Variants in KCND2 observed in about 807,000 individuals in gnomAD.
KCND2 encodes potassium voltage-gated channel subfamily D member 2.
Under a neutral mutation model 54.4 loss-of-function variants are expected in KCND2, and 16 were observed. The observed-to-expected ratio is 0.29, with a 90% CI of 0.20 to 0.45. KCND2 has a LOEUF of 0.45. Among genes scored for constraint, KCND2 ranks in the 20% least tolerant of loss-of-function variants. KCND2 has a pLI of 1.00. For missense variants in KCND2, 486 were observed against 824.2 expected (o/e 0.59, Z 5.02); for synonymous variants, 317 against 310.7 (o/e 1.02, Z -0.21).
At chr7:120,424,894 TTG>T (rs1254149529) in intron 1 of KCND2, among the ~76,000 whole-genome samples, 5 of 152,230 alleles carry the variant, frequency 3.3e-5, no homozygotes, top group African/African-American at 4.8e-5. Context: ...TGAGCTATGT[TTG>T]TGCTTTCATG....
intron 1 of KCND2, among the ~76,000 whole-genome samples, chr7:120,432,794 C>T (rs140817905): frequency 6.6e-6 from 1 of 152,270 alleles, no homozygotes; most frequent in African/African-American, 2.4e-5. Flanking sequence ...TTGGACACCC[C>T]TCTCTGTCCA....
intron 1 of KCND2, among the ~76,000 whole-genome samples, chr7:120,399,598 G>A (rs1425794601): frequency 1.3e-5 from 2 of 151,888 alleles, no homozygotes; most frequent in African/African-American, 4.8e-5. Context: ...AATAAATAAT[G>A]TGTAGATGCT....
At chr7:120,484,895 T>A (rs949049668) in intron 1 of KCND2, among the ~76,000 whole-genome samples, 6 of 152,270 alleles carry the variant, frequency 3.9e-5, no homozygotes, top group Middle Eastern at 3.4e-3. Context: ...GTAATTTTTT[T>A]AAGAGACAGG....
chr7:120,718,340 CA>C (rs1792628080), intron 1 of KCND2, among the ~76,000 whole-genome samples: 1 of 152,116 alleles, frequency 6.6e-6, no homozygotes, highest in East Asian at 1.9e-4. Flanking sequence ...ATACGGCCCA[CA>C]GGTCAAATGT....
intron 1 of KCND2, among the ~76,000 whole-genome samples, chr7:120,397,649 G>A (rs1047885903): frequency 9.9e-5 from 15 of 151,808 alleles, no homozygotes; most frequent in African/African-American, 3.6e-4. Flanking sequence ...CCAGTAAAAA[G>A]CGACAGGAAG....
intron 1 of KCND2, among the ~76,000 whole-genome samples, chr7:120,467,618 A>G (rs2116253516): frequency 6.6e-6 from 1 of 152,262 alleles, no homozygotes; most frequent in South Asian, 2.1e-4. Flanking sequence ...TTAGGCAAAA[A>G]TGCTACCAAT....
At chr7:120,273,132 G>A (rs1799102202), upstream of KCND2, among the ~76,000 whole-genome samples, 1 of 152,194 alleles carries the variant, frequency 6.6e-6, no homozygotes, top group Non-Finnish European at 1.5e-5. Context: ...GGGGGCGGGG[G>A]CGGAGAAAGG....
chr7:120,519,050 A>T (rs1306832781), intron 1 of KCND2, among the ~76,000 whole-genome samples: 2 of 152,180 alleles, frequency 1.3e-5, no homozygotes, highest in Middle Eastern at 6.8e-3. Context: ...TGGCCTTGGC[A>T]GTACGTGGTG....
intron 1 of KCND2, among the ~76,000 whole-genome samples, chr7:120,703,985 C>T (rs1792434917): frequency 6.6e-6 from 1 of 152,178 alleles, no homozygotes; most frequent in Non-Finnish European, 1.5e-5. Flanking sequence ...TGGCATCTTT[C>T]TATGGCCAAT....
In KCND2 at chr7:120,428,194, CA is replaced by C. The variant is rs368581123; in HGVS notation, c.1115+152453del. Among the ~76,000 whole-genome samples, 1,199 of 152,134 alleles carry C rather than the reference CA, an allele frequency of 7.9e-3. 11 individuals are homozygous for C. The highest frequency in any genetic ancestry group is 0.017 in the Middle Eastern group (5 of 294). On this transcript the variant is annotated intron_variant, in intron 1 of 5. Transcript: ENST00000331113. ...AAAATCAATGCTATAATTGTGATTC[CA>C]AAAAACCAAGTCAACACATAACTAC...
chr7:120,569,514 G>A (rs1225310736), intron 1 of KCND2, among the ~76,000 whole-genome samples: 1 of 152,096 alleles, frequency 6.6e-6, no homozygotes, highest in Admixed American at 6.6e-5. Context: ...AAGCCTGCCT[G>A]TGCCTGCCCC....
chr7:120,589,844 C>T (rs1226399417), intron 1 of KCND2, among the ~76,000 whole-genome samples: 1 of 152,120 alleles, frequency 6.6e-6, no homozygotes, highest in East Asian at 1.9e-4. Flanking sequence ...GTAGTGCTAA[C>T]ATCATAATGT....
chr7:120,440,327 A>G (rs1162034284), intron 1 of KCND2, among the ~76,000 whole-genome samples: 1 of 152,020 alleles, frequency 6.6e-6, no homozygotes, highest in Non-Finnish European at 1.5e-5. Context: ...CTTTTTAAAA[A>G]TCAGATTATT....
intron 1 of KCND2, among the ~76,000 whole-genome samples, chr7:120,445,148 G>C (rs960892748): frequency 6.6e-6 from 1 of 152,020 alleles, no homozygotes; most frequent in African/African-American, 2.4e-5. Flanking sequence ...ACTCACCTTT[G>C]AAAATAGGAA....
chr7:120,489,387 T>G (rs1293942691), intron 1 of KCND2, among the ~76,000 whole-genome samples: 1 of 147,630 alleles, frequency 6.8e-6, no homozygotes, highest in East Asian at 2.0e-4. Context: ...AATATATTTT[T>G]TGATTAATGA....
intron 1 of KCND2, among the ~76,000 whole-genome samples, chr7:120,377,251 T>C (rs1800846142): frequency 2.0e-5 from 3 of 151,954 alleles, no homozygotes. Flanking sequence ...GATTTATTTT[T>C]GAATGCAAGT....
At chr7:120,554,564 A>C (rs1792139664) in intron 1 of KCND2, among the ~76,000 whole-genome samples, 1 of 151,868 alleles carries the variant, frequency 6.6e-6, no homozygotes, top group African/African-American at 2.4e-5. Context: ...GCCCGCCACC[A>C]CTACTGGCTA....
chr7:120,298,179 A>T (rs1189481430), intron 1 of KCND2, among the ~76,000 whole-genome samples: 1 of 152,166 alleles, frequency 6.6e-6, no homozygotes, highest in Non-Finnish European at 1.5e-5. Context: ...CATAATTGAG[A>T]TATTAACTTA....
intron 1 of KCND2, among the ~76,000 whole-genome samples, chr7:120,529,536 G>C (rs1791817945): frequency 6.6e-6 from 1 of 152,150 alleles, no homozygotes; most frequent in Non-Finnish European, 1.5e-5. Flanking sequence ...TGACCCCTGA[G>C]TACGAGAAGT....
Sources: gnomAD v4.1 joint callset for allele counts (sites outside exome capture counted in the v4.1 genomes callset) on GRCh38, gnomAD v4.1.1 for gene constraint, MANE v1.5 for transcripts, NCBI Gene and HGNC (gene_info 2026-07-23, HGNC 2026-07-21) for gene names.